The following CSTL1 variants were observed in gnomAD, a reference collection of about 807,000 sequenced individuals.
CSTL1 encodes cystatin like 1.
Under a neutral mutation model 14.4 loss-of-function variants are expected in CSTL1, and 14 were observed. That is an observed-to-expected ratio of 0.97 (90% CI 0.64 to 1.52). The LOEUF (loss-of-function observed/expected upper bound fraction) is 1.52, where lower values mean the gene tolerates loss of function less well. CSTL1 is among the 40% of genes most tolerant of loss of function. The pLI, the probability that CSTL1 is intolerant of heterozygous loss-of-function variation, is 0.00. For missense variants in CSTL1, 170 were observed against 168.7 expected (o/e 1.01, Z -0.04); for synonymous variants, 72 against 67.5 (o/e 1.07, Z -0.33).
At chr20:23,440,040 G>A in intron 1 of CSTL1, 104 bp from the exon 2 acceptor site, 1 of 556,262 alleles carries the variant, frequency 1.8e-6, no homozygotes, top group South Asian at 2.1e-5. Flanking sequence ...AATTTTGCTT[G>A]CCTGGATCAC....
At chr20:23,451,879 C>T in the CSTL1 span, 1 of 1,614,100 alleles carries the variant, frequency 6.2e-7, no homozygotes, top group Non-Finnish European at 8.5e-7. Context: ...AGGTGGTCCA[C>T]TGCATTTCCA....
At chr20:23,450,534 A>AT in the CSTL1 span, 3 of 1,612,358 alleles carry the variant, frequency 1.9e-6, no homozygotes, top group Admixed American at 5.0e-5. Context: ...TTTGTTCAAA[A>AT]TTTTGTACTG....
At chr20:23,444,527 G>A (rs1236066654) in intron 3 of CSTL1, among the ~76,000 whole-genome samples, 2 of 152,152 alleles carry the variant, frequency 1.3e-5, no homozygotes, top group African/African-American at 2.4e-5. Context: ...GACAGGGTCC[G>A]GCCAGGCCAT....
At chr20:23,449,050 G>A (rs1021621774), downstream of CSTL1, among the ~76,000 whole-genome samples, 1 of 152,182 alleles carries the variant, frequency 6.6e-6, no homozygotes, top group African/African-American at 2.4e-5. Context: ...GAGAGTAAAA[G>A]CCAAAAATAA....
the CSTL1 span, among the ~76,000 whole-genome samples, chr20:23,453,217 G>A: frequency 6.6e-6 from 1 of 151,766 alleles, no homozygotes; most frequent in Non-Finnish European, 1.5e-5. Context: ...GAGCAGTGGG[G>A]GGTGGGCACT....
chr20:23,450,459 C>A, the CSTL1 span: 4 of 1,242,574 alleles, frequency 3.2e-6, no homozygotes, highest in Admixed American at 3.9e-5. Context: ...TTGCCCATTG[C>A]AGGATTCTCT....
chr20:23,444,791 G>A lies in CSTL1; in HGVS notation c.351G>A (p.Leu117=). Residue 117 remains leucine, a synonymous_variant, in exon 4 of 4, where the codon TTG becomes TTA. Transcript: ENST00000347397. ...KLRKSLICES[L]IYTMPWINYF... Reference sequence around the variant, plus strand: ...TACAGAGTTTAATTTGCGAGTCTTTGATATACACCATGCCCTGGATAAACT... The same window carrying A: ...TACAGAGTTTAATTTGCGAGTCTTTAATATACACCATGCCCTGGATAAACT... 6.2e-7 allele frequency: 1 copy of A among 1,613,028 alleles called. No individual in the cohort carries two copies. Among genetic ancestry groups the A allele is most frequent in the Non-Finnish European group, 8.5e-7 (1 of 1,179,042 alleles).
At chr20:23,446,594 C>T (rs1076777), downstream of CSTL1, among the ~76,000 whole-genome samples, 22,654 of 152,128 alleles carry the variant, frequency 0.15, 3,510 homozygotes, top group African/African-American at 0.4. Flanking sequence ...TCAGGCGGGC[C>T]GTGCGAACTC....
downstream of CSTL1, among the ~76,000 whole-genome samples, chr20:23,447,467 CTTTTTT>C (rs34114094): frequency 7.3e-6 from 1 of 136,808 alleles, no homozygotes; most frequent in African/African-American, 2.7e-5. Flanking sequence ...TTTTCTTTTT[CTTTTTT>C]TTTTTTTTTT....
the CSTL1 span, among the ~76,000 whole-genome samples, chr20:23,453,885 C>T: frequency 3.3e-5 from 5 of 152,040 alleles, no homozygotes; most frequent in Admixed American, 6.6e-5. Flanking sequence ...CCCGAACACA[C>T]GGACACACAA....
chr20:23,449,014 T>C (rs1030643922), downstream of CSTL1, among the ~76,000 whole-genome samples: 2 of 152,180 alleles, frequency 1.3e-5, no homozygotes, highest in African/African-American at 2.4e-5. Flanking sequence ...GAAACAGGGT[T>C]CTGGGCATTC....
the CSTL1 span, chr20:23,450,622 G>A: frequency 2.0e-6 from 3 of 1,538,336 alleles, no homozygotes; most frequent in East Asian, 6.8e-5. Context: ...TATTTTAAAA[G>A]ACGCCAGGTG....
At chr20:23,454,589 G>C in the CSTL1 span, among the ~76,000 whole-genome samples, 1 of 152,150 alleles carries the variant, frequency 6.6e-6, no homozygotes, top group African/African-American at 2.4e-5. Flanking sequence ...ACCACAGAGC[G>C]AACACTGTGG....
the CSTL1 span, among the ~76,000 whole-genome samples, chr20:23,455,958 C>A: frequency 6.6e-6 from 1 of 152,222 alleles, no homozygotes; most frequent in African/African-American, 2.4e-5. Context: ...TCCCTCCCCA[C>A]TCCCCTGCAG....
In CSTL1 at chr20:23,443,941, C is replaced by G. The variant is rs138411204; in HGVS notation, c.227C>G (p.Thr76Arg). The change falls in exon 3 of 4, where the codon ACG (threonine) becomes AGG (arginine). Residue 76 changes from threonine (T) to arginine (R), a missense_variant. By Grantham distance (71) the Thr-to-Arg change is moderately conservative. Coordinates refer to ENST00000347397, the MANE Select transcript of CSTL1 (RefSeq NM_138283.1). ...RLIRSQMQLTTGVEYIVTVKI... is the reference protein window; with the variant it reads ...RLIRSQMQLTRGVEYIVTVKI... ...ACAACTGATTCTCGGCAGCTGACGA[C>G]GGGAGTGGAGTATATAGTCACTGTG... 1 of 1,613,164 alleles carries G rather than the reference C, an allele frequency of 6.2e-7. No individual in the cohort carries two copies. Among genetic ancestry groups the G allele is most frequent in the East Asian group, 2.2e-5 (1 of 44,870 alleles).
At chr20:23,452,595 C>A in the CSTL1 span, 6 of 1,611,680 alleles carry the variant, frequency 3.7e-6, no homozygotes, top group Non-Finnish European at 5.1e-6. Context: ...TGCCTCTGGA[C>A]TTTAAGGACT....
chr20:23,446,567 T>C (rs1171472887), downstream of CSTL1, among the ~76,000 whole-genome samples: 1 of 152,224 alleles, frequency 6.6e-6, no homozygotes, highest in Non-Finnish European at 1.5e-5. Context: ...GCAAGCAGCC[T>C]TTCTAAGGAC....
At chr20:23,460,436 C>T in the CSTL1 span, among the ~76,000 whole-genome samples, 1 of 152,164 alleles carries the variant, frequency 6.6e-6, no homozygotes, top group Non-Finnish European at 1.5e-5. Flanking sequence ...ATTTATTTTG[C>T]AGTTGGCTAT....
rs1318851442 is a variant in CSTL1, at chr20:23,440,128, C to G, written c.-124-16C>G. 2 of 758,980 alleles carry G rather than the reference C, an allele frequency of 2.6e-6. No homozygotes were observed. The highest frequency in any genetic ancestry group is 3.5e-5 in the African/African-American group (2 of 57,230). 47.0% of individuals were successfully genotyped at this position (758,980 alleles called of 1,614,324 possible). On this transcript the variant is annotated splice_polypyrimidine_tract_variant and intron_variant, in intron 1 of 3. Coordinates refer to ENST00000347397, the MANE Select transcript of CSTL1 (RefSeq NM_138283.1). The stretch of plus-strand genomic sequence containing the variant: ...TGAGTGACAAGGTTCAGGTCTGAAT[C>G]TCTGTTTAAATGCAGGCAGGCCATC...
Sources: gnomAD v4.1 joint callset for allele counts (sites outside exome capture counted in the v4.1 genomes callset) on GRCh38, gnomAD v4.1.1 for gene constraint, MANE v1.5 for transcripts, NCBI Gene and HGNC (gene_info 2026-07-23, HGNC 2026-07-21) for gene names.